Variants in NALCN observed in about 807,000 individuals in gnomAD.
NALCN encodes sodium leak channel NALCN.
In NALCN, 111 loss-of-function variants were observed where a neutral mutation model predicts 225.3. The observed-to-expected ratio is 0.49, with a 90% CI of 0.42 to 0.58. The LOEUF (loss-of-function observed/expected upper bound fraction) is 0.58, where lower values mean the gene tolerates loss of function less well. Among genes scored for constraint, NALCN ranks in the 20% least tolerant of loss-of-function variants. The pLI is 0.00. For missense variants in NALCN, 1,378 were observed against 2,202.4 expected (o/e 0.63, Z 7.49); for synonymous variants, 764 against 769.0 (o/e 0.99, Z 0.11).
intron 14 of NALCN, among the ~76,000 whole-genome samples, chr13:101,189,973 T>C (rs2039617320): frequency 2.0e-5 from 3 of 152,240 alleles, no homozygotes; most frequent in Middle Eastern, 6.8e-3. Context: ...TTTTAGCCCA[T>C]AAAGAAGATT....
At chr13:101,263,124 C>T (rs1355697575) in intron 10 of NALCN, among the ~76,000 whole-genome samples, 1 of 152,188 alleles carries the variant, frequency 6.6e-6, no homozygotes, top group African/African-American at 2.4e-5. Flanking sequence ...TAATTTGAGA[C>T]ATGCCAGTGA....
chr13:101,111,039 G>A (rs949292272), intron 19 of NALCN, 86 bp downstream of exon 19: 11 of 1,368,888 alleles, frequency 8.0e-6, no homozygotes, highest in Non-Finnish European at 9.1e-6. Context: ...AGCCAGGGCT[G>A]ACAGCCGTGA....
In NALCN at chr13:101,111,383, C is replaced by T. The variant is rs75506723; in HGVS notation, c.2193-157G>A. ...TAATTATAAAGGAAAATGAACTTTA[C>T]GCTCTGCGTCAAGAACACTTACAAA... On this transcript the variant is annotated intron_variant, in intron 18 of 43. Transcript: ENST00000251127. Among the ~76,000 whole-genome samples, 2,583 of 152,282 alleles carry T rather than the reference C, an allele frequency of 0.017. 117 individuals carry two copies. In the East Asian group the frequency reaches 0.2, roughly 12 times the overall value.
intron 28 of NALCN, 131 bp from the exon 29 acceptor site, chr13:101,090,097 C>A (rs1383658075): frequency 7.6e-7 from 1 of 1,313,924 alleles, no homozygotes; most frequent in Non-Finnish European, 1.0e-6. Context: ...CATATATACA[C>A]ACACACGTGT....
rs116745815 is a variant in NALCN at position 101,397,326 on chromosome 13, C to G, written c.108+1693G>C. Among the ~76,000 whole-genome samples the G allele has an allele frequency of 6.7e-4, 101 of 150,208 alleles. 1 individual carries two copies. The highest frequency in any genetic ancestry group is 2.3e-3 in the African/African-American group (95 of 41,154). ...AGACAAGCACTGCAAGAGGCAAAAA[C>G]ATGTCACATTATATAACATTATAAA... On this transcript the variant is annotated intron_variant, in intron 2 of 43. Coordinates refer to ENST00000251127, the MANE Select transcript of NALCN (RefSeq NM_052867.4).
rs1019776644 is a variant in NALCN at position 101,143,089 on chromosome 13, G to A, written c.2109C>T (p.Ile703=). ...AAACAGCAGATCTTACTTTTTGGTC[G>A]ATGTATTTGTTGTCCTCAATTGCTG... ...KRSAIEDNKY[I]DQKLRKSVFS... Residue 703 remains isoleucine (I), a synonymous_variant, in exon 17 of 44, where the codon ATC becomes ATT. Coordinates refer to ENST00000251127, the MANE Select transcript of NALCN (RefSeq NM_052867.4). 12 of 1,613,986 alleles carry A rather than the reference G, an allele frequency of 7.4e-6. No individual in the cohort carries two copies. Among genetic ancestry groups the A allele is most frequent in the South Asian group, 1.1e-5 (1 of 91,070 alleles).
intron 15 of NALCN, among the ~76,000 whole-genome samples, chr13:101,163,659 C>T (rs2139878531): frequency 6.6e-6 from 1 of 152,236 alleles, no homozygotes; most frequent in Middle Eastern, 3.4e-3. Context: ...CCATTGTTCC[C>T]TGCTGCCCCA....
At position 101,177,454 on chromosome 13, in the gene NALCN, A is replaced by G. The variant is rs1383689241; in HGVS notation, c.1765-1080T>C. On this transcript the variant is annotated intron_variant, in intron 14 of 43. Transcript: ENST00000251127. Reference sequence around the variant, plus strand: ...ATATGGTAGAAGCTCAACTATGCATATAACGGAGTAATAGAGAAAATGCTT... The same window carrying G: ...ATATGGTAGAAGCTCAACTATGCATGTAACGGAGTAATAGAGAAAATGCTT... Among the ~76,000 whole-genome samples, 3 of 133,944 alleles carry G rather than the reference A, an allele frequency of 2.2e-5. No individual in the cohort carries two copies. The East Asian group carries it at 5.9e-4, about 26-fold the overall frequency. The allele number at this position is 133,944 out of a possible 152,430, so 87.9% of individuals were successfully genotyped here. A position where few individuals can be genotyped will look rare whatever the true frequency, so the allele number is the denominator to read the frequency against.
intron 7 of NALCN, among the ~76,000 whole-genome samples, chr13:101,332,531 C>A (rs1306656227): frequency 6.6e-6 from 1 of 151,454 alleles, no homozygotes; most frequent in African/African-American, 2.4e-5. Context: ...AAGGAGAATT[C>A]TGCACTAATT....
intron 30 of NALCN, among the ~76,000 whole-genome samples, chr13:101,086,154 G>A (rs2033919141): frequency 1.3e-5 from 2 of 151,706 alleles, no homozygotes; most frequent in Admixed American, 1.3e-4. Context: ...TATTATAGAA[G>A]CTATACAAGT....
At chr13:101,136,347 C>T (rs916301725) in intron 17 of NALCN, among the ~76,000 whole-genome samples, 1 of 151,084 alleles carries the variant, frequency 6.6e-6, no homozygotes, top group Non-Finnish European at 1.5e-5. Context: ...GGTGCATGTG[C>T]ACAACGTGCA....
chr13:101,130,695 T>C (rs1038163351), intron 17 of NALCN, among the ~76,000 whole-genome samples: 4 of 152,228 alleles, frequency 2.6e-5, no homozygotes, highest in Non-Finnish European at 4.4e-5. Flanking sequence ...CATAAAGCAT[T>C]GCTGCTGAAA....
In NALCN at chr13:101,059,745, C is replaced by A; in HGVS notation, c.4905+73G>T. On this transcript the variant is annotated intron_variant, in intron 42 of 43. Coordinates refer to ENST00000251127, the MANE Select transcript of NALCN (RefSeq NM_052867.4). ...TTGTTTGAATGATCTGACCAGCACC[C>A]ATTTTATTTATTTTTATTAAAAGAA... is the stretch of plus-strand genomic sequence containing the variant. 4 of 1,374,912 alleles carry A rather than the reference C, an allele frequency of 2.9e-6. No individual in the cohort carries two copies. The South Asian group carries it at 5.2e-5, about 18-fold the overall frequency. 85.2% of individuals were successfully genotyped at this position (1,374,912 alleles called of 1,614,324 possible). A position where few individuals can be genotyped will look rare whatever the true frequency, so the allele number is the denominator to read the frequency against.
chr13:101,263,864 C>A (rs1305391970), intron 10 of NALCN, among the ~76,000 whole-genome samples: 1 of 152,204 alleles, frequency 6.6e-6, no homozygotes, highest in Admixed American at 6.5e-5. Context: ...AAAGTTAGAG[C>A]TAGTGGCATG....
intron 4 of NALCN, among the ~76,000 whole-genome samples, chr13:101,378,232 C>T (rs958284931): frequency 6.6e-6 from 1 of 152,028 alleles, no homozygotes; most frequent in Admixed American, 6.6e-5. Context: ...TAAGATATTA[C>T]AGCTATTGAC....
intron 13 of NALCN, among the ~76,000 whole-genome samples, chr13:101,200,938 T>C (rs868492488): frequency 1.3e-5 from 2 of 152,188 alleles, no homozygotes; most frequent in Admixed American, 6.6e-5. Flanking sequence ...AGTTCAAACA[T>C]AGTCAAATAT....
intron 13 of NALCN, among the ~76,000 whole-genome samples, chr13:101,206,046 A>C (rs2040299834): frequency 6.6e-6 from 1 of 151,980 alleles, no homozygotes; most frequent in Non-Finnish European, 1.5e-5. Flanking sequence ...TATTAAAATA[A>C]ACCACACTTC....
intron 7 of NALCN, among the ~76,000 whole-genome samples, chr13:101,308,212 C>T (rs939377355): frequency 9.9e-5 from 15 of 152,260 alleles, no homozygotes; most frequent in African/African-American, 2.9e-4. Context: ...TTGCTGCTTG[C>T]GACTCTAGAC....
intron 13 of NALCN, among the ~76,000 whole-genome samples, chr13:101,210,033 A>G (rs2040462428): frequency 6.6e-6 from 1 of 152,238 alleles, no homozygotes. Context: ...CAGCAGCAAT[A>G]CTGCAGACCT....
Sources: gnomAD v4.1 joint callset for allele counts (sites outside exome capture counted in the v4.1 genomes callset) on GRCh38, gnomAD v4.1.1 for gene constraint, MANE v1.5 for transcripts, NCBI Gene and HGNC (gene_info 2026-07-23, HGNC 2026-07-21) for gene names.